The following VPS13B variants were observed in gnomAD, a reference collection of about 807,000 sequenced individuals.
VPS13B encodes the protein vacuolar protein sorting 13 homolog B, also known as intermembrane lipid transfer protein VPS13B.
In VPS13B, 285 loss-of-function variants were observed where a neutral mutation model predicts 426.4. The observed-to-expected ratio is 0.67, with a 90% CI of 0.61 to 0.74. The LOEUF is 0.74. VPS13B is among the 30% of genes least tolerant of loss of function. The pLI is 0.00. For synonymous variants in VPS13B, 1,676 were observed against 1,676.4 expected (o/e 1.00, Z 0.01); for missense variants, 4,537 against 4,782.6 (o/e 0.95, Z 1.51).
chr8:99,289,095 GA>G (rs895203854), intron 19 of VPS13B, among the ~76,000 whole-genome samples: 5 of 151,662 alleles, frequency 3.3e-5, no homozygotes, highest in African/African-American at 1.2e-4. Flanking sequence ...AAGAAAGAAA[GA>G]AAAAGAAAGA....
At chr8:99,191,382 T>G (rs944446383) in intron 16 of VPS13B, among the ~76,000 whole-genome samples, 3 of 134,818 alleles carry the variant, frequency 2.2e-5, no homozygotes, top group Admixed American at 7.3e-5. Context: ...CTCTCTTTTT[T>G]TTTTTTTTTT....
intron 16 of VPS13B, among the ~76,000 whole-genome samples, chr8:99,184,772 C>G (rs551685859): frequency 6.6e-6 from 1 of 152,184 alleles, no homozygotes; most frequent in Non-Finnish European, 1.5e-5. Flanking sequence ...TGGTGGATCA[C>G]TTCAGGTCAG....
At chr8:99,536,241 G>A (rs1274267579) in intron 30 of VPS13B, among the ~76,000 whole-genome samples, 2 of 152,004 alleles carry the variant, frequency 1.3e-5, no homozygotes, top group Admixed American at 6.6e-5. Context: ...CAGCCACCGT[G>A]CCCGGCCTGA....
chr8:99,619,428 C>T (rs1157628765), intron 33 of VPS13B, among the ~76,000 whole-genome samples: 3 of 152,084 alleles, frequency 2.0e-5, no homozygotes, highest in Non-Finnish European at 4.4e-5. Flanking sequence ...TTGTTTTTTC[C>T]TCATCTGGCT....
intron 2 of VPS13B, among the ~76,000 whole-genome samples, chr8:99,023,646 AATTTTTGT>A (rs1243336032): frequency 6.6e-6 from 1 of 151,844 alleles, no homozygotes; most frequent in Admixed American, 6.6e-5. Flanking sequence ...ACACCTGGCT[AATTTTTGT>A]ATTTTTAGTA....
At chr8:99,603,327 A>G (rs929209043) in intron 33 of VPS13B, among the ~76,000 whole-genome samples, 8 of 152,250 alleles carry the variant, frequency 5.3e-5, no homozygotes, top group Admixed American at 3.3e-4. Flanking sequence ...TATACATAGT[A>G]CCAAACCCTG....
At chr8:99,203,516 A>G (rs1391702170) in intron 17 of VPS13B, among the ~76,000 whole-genome samples, 8 of 152,328 alleles carry the variant, frequency 5.3e-5, no homozygotes, top group African/African-American at 1.9e-4. Flanking sequence ...TGGCCAGGAT[A>G]ATCAGGCAAG....
chr8:99,429,961 C>T (rs1438169839), intron 21 of VPS13B, among the ~76,000 whole-genome samples: 1 of 152,092 alleles, frequency 6.6e-6, no homozygotes, highest in East Asian at 1.9e-4. Flanking sequence ...CTCACCCTTG[C>T]TCACTCTGCT....
At chr8:99,457,336 A>C (rs1241005102) in intron 23 of VPS13B, among the ~76,000 whole-genome samples, 1 of 152,172 alleles carries the variant, frequency 6.6e-6, no homozygotes, top group Non-Finnish European at 1.5e-5. Flanking sequence ...CCAGCCAGTA[A>C]TTTGTATCTT....
intron 29 of VPS13B, among the ~76,000 whole-genome samples, chr8:99,515,026 G>T (rs1821982554): frequency 1.3e-5 from 2 of 152,244 alleles, no homozygotes; most frequent in South Asian, 4.1e-4. Flanking sequence ...TGGTGAGGCA[G>T]AGGTCTGAAG....
intron 19 of VPS13B, among the ~76,000 whole-genome samples, chr8:99,369,935 C>T (rs1039734297): frequency 7.2e-5 from 11 of 152,194 alleles, no homozygotes; most frequent in African/African-American, 2.6e-4. Flanking sequence ...GGAAACTAGT[C>T]CAGAAAACAG....
At position 99,351,431 on chromosome 8, in the gene VPS13B, A is replaced by AGTGTGTGTGT. The variant is rs1476078907; in HGVS notation, c.2825-32776_2825-32775insTGTGTGTGTG. On this transcript the variant is annotated intron_variant, in intron 19 of 61. Transcript: ENST00000357162. ...TTCTCCTTCCTCAAGAGAGAGAGAG[A>AGTGTGTGTGT]GAGAGTGTGTGTGTGTGTGTGTGTG... Among the ~76,000 whole-genome samples, 856 of 147,564 alleles carry AGTGTGTGTGT rather than the reference A, an allele frequency of 5.8e-3. 8 individuals carry two copies. Among genetic ancestry groups the AGTGTGTGTGT allele is most frequent in the African/African-American group, 0.02 (803 of 39,526 alleles).
chr8:99,360,212 T>TCTC (rs1812471529), intron 19 of VPS13B, among the ~76,000 whole-genome samples: 3 of 21,286 alleles, frequency 1.4e-4, no homozygotes, highest in East Asian at 1.7e-3. Flanking sequence ...CTCTCTCTCT[T>TCTC]TCTTTCTTTC....
chr8:99,724,591 TTGA>T (rs932777003), intron 39 of VPS13B, among the ~76,000 whole-genome samples: 24 of 152,050 alleles, frequency 1.6e-4, no homozygotes, highest in African/African-American at 5.6e-4. Flanking sequence ...AACATTGGAG[TTGA>T]TGTTATCTAC....
At chr8:99,753,919 C>T (rs1285234424) in intron 39 of VPS13B, among the ~76,000 whole-genome samples, 1 of 151,986 alleles carries the variant, frequency 6.6e-6, no homozygotes, top group East Asian at 1.9e-4. Flanking sequence ...GCAGCTGTAC[C>T]CCTTCACCAC....
intron 5 of VPS13B, among the ~76,000 whole-genome samples, chr8:99,105,569 G>A (rs1277425857): frequency 6.6e-6 from 1 of 151,998 alleles, no homozygotes; most frequent in African/African-American, 2.4e-5. Context: ...GGTAGAGACG[G>A]GGTTTCACCA....
intron 3 of VPS13B, among the ~76,000 whole-genome samples, chr8:99,050,748 T>G (rs1178890689): frequency 2.0e-5 from 3 of 152,240 alleles, no homozygotes; most frequent in Non-Finnish European, 4.4e-5. Flanking sequence ...AGATGGTATC[T>G]CACTGTGGTT....
intron 19 of VPS13B, among the ~76,000 whole-genome samples, chr8:99,292,933 C>G (rs1046124877): frequency 1.3e-5 from 2 of 152,100 alleles, no homozygotes; most frequent in Non-Finnish European, 2.9e-5. Context: ...TTTTTGATGA[C>G]TGGTCCAAAG....
At chr8:99,731,461 C>G (rs1027295937) in intron 39 of VPS13B, among the ~76,000 whole-genome samples, 1 of 152,170 alleles carries the variant, frequency 6.6e-6, no homozygotes, top group Non-Finnish European at 1.5e-5. Flanking sequence ...TTTCATAATT[C>G]TTTCATCTTT....
Sources: gnomAD v4.1 joint callset for allele counts (sites outside exome capture counted in the v4.1 genomes callset) on GRCh38, gnomAD v4.1.1 for gene constraint, MANE v1.5 for transcripts, NCBI Gene and HGNC (gene_info 2026-07-23, HGNC 2026-07-21) for gene names.